Variants in CTNND2 observed in about 807,000 individuals in gnomAD.
The protein encoded by CTNND2 is catenin delta-2.
CTNND2 carries 22 observed loss-of-function variants against 144.4 expected under a neutral mutation model. The observed-to-expected ratio is 0.15, with a 90% CI of 0.11 to 0.22. The LOEUF is 0.22. CTNND2 is among the 10% of genes least tolerant of loss of function. The pLI, the probability that CTNND2 is intolerant of heterozygous loss-of-function variation, is 1.00. For missense variants in CTNND2, 1,353 were observed against 1,618.8 expected, an observed-to-expected ratio of 0.84 and a Z score of 2.82; for synonymous variants, 751 against 695.6, an observed-to-expected ratio of 1.08 and a Z score of -1.25.
chr5:11,293,132 C>T (rs173829), intron 9 of CTNND2, among the ~76,000 whole-genome samples: 24,632 of 152,140 alleles, frequency 0.16, 2,267 homozygotes, highest in African/African-American at 0.24. Context: ...AGAAGTTAAG[C>T]ACCTAGTTCA....
intron 12 of CTNND2, among the ~76,000 whole-genome samples, chr5:11,124,324 C>T (rs1561342685): frequency 6.6e-6 from 1 of 152,112 alleles, no homozygotes; most frequent in Non-Finnish European, 1.5e-5. Context: ...GAGTTTGATG[C>T]CTATAATTAG....
chr5:11,264,574 G>A (rs766020718), intron 9 of CTNND2, among the ~76,000 whole-genome samples: 18 of 152,172 alleles, frequency 1.2e-4, no homozygotes, highest in Non-Finnish European at 2.2e-4. Context: ...TCCAGAAGCC[G>A]CCGTTGTAAT....
At chr5:11,146,372 G>T (rs1458903408) in intron 12 of CTNND2, among the ~76,000 whole-genome samples, 1 of 152,184 alleles carries the variant, frequency 6.6e-6, no homozygotes, top group East Asian at 1.9e-4. Context: ...CTGACCACAA[G>T]GCAGCAGCAT....
At chr5:11,147,693 C>T (rs547909597) in intron 12 of CTNND2, among the ~76,000 whole-genome samples, 27 of 145,770 alleles carry the variant, frequency 1.9e-4, no homozygotes, top group South Asian at 2.2e-4. Context: ...CAGAATGAGG[C>T]GACAACATGA....
At chr5:11,271,132 T>A (rs1003253707) in intron 9 of CTNND2, among the ~76,000 whole-genome samples, 12 of 152,210 alleles carry the variant, frequency 7.9e-5, no homozygotes, top group African/African-American at 2.9e-4. Flanking sequence ...CAAGTTATCC[T>A]CGCAAAGGTA....
chr5:11,192,114 T>A (rs1736326357), intron 11 of CTNND2, among the ~76,000 whole-genome samples: 2 of 152,214 alleles, frequency 1.3e-5, no homozygotes, highest in South Asian at 4.1e-4. Flanking sequence ...GCTGCCAGTA[T>A]CTAAATGTTG....
intron 1 of CTNND2, among the ~76,000 whole-genome samples, chr5:11,823,770 G>A (rs1793449439): frequency 6.6e-6 from 1 of 152,046 alleles, no homozygotes; most frequent in African/African-American, 2.4e-5. Context: ...GAGGAAATAT[G>A]AATTTTATCC....
At chr5:11,741,610 C>T (rs1788012497) in intron 1 of CTNND2, among the ~76,000 whole-genome samples, 1 of 151,836 alleles carries the variant, frequency 6.6e-6, no homozygotes, top group African/African-American at 2.4e-5. Context: ...AGGAGAAATA[C>T]CTAATGTAAA....
intron 3 of CTNND2, among the ~76,000 whole-genome samples, chr5:11,500,130 A>G (rs1408405238): frequency 6.6e-6 from 1 of 152,126 alleles, no homozygotes; most frequent in Non-Finnish European, 1.5e-5. Context: ...TGTTTCACTA[A>G]TTCTCTGATA....
At chr5:11,523,238 G>A (rs1309805234) in intron 3 of CTNND2, among the ~76,000 whole-genome samples, 9 of 152,088 alleles carry the variant, frequency 5.9e-5, no homozygotes, top group South Asian at 2.1e-4. Flanking sequence ...GTGGTAATAC[G>A]TGGAAGCACA....
At chr5:11,900,691 A>G (rs1322915422) in intron 1 of CTNND2, among the ~76,000 whole-genome samples, 1 of 152,246 alleles carries the variant, frequency 6.6e-6, no homozygotes, top group African/African-American at 2.4e-5. Flanking sequence ...GAACACCTTC[A>G]GAAGATGAAT....
At chr5:11,533,738 A>G (rs545120375) in intron 3 of CTNND2, among the ~76,000 whole-genome samples, 1 of 152,184 alleles carries the variant, frequency 6.6e-6, no homozygotes, top group African/African-American at 2.4e-5. Context: ...TCAAAACCTG[A>G]TGTGTATTTA....
At chr5:11,613,505 G>C (rs947952783) in intron 2 of CTNND2, among the ~76,000 whole-genome samples, 5 of 152,180 alleles carry the variant, frequency 3.3e-5, no homozygotes, top group African/African-American at 4.8e-5. Context: ...TAAGGAACTA[G>C]CCAAAGCTGC....
Position 11,117,482 on chromosome 5 carries a change from A to T in CTNND2, c.2245T>A (p.Ser749Thr), listed in dbSNP as rs1313341148. Residue 749 changes from serine (S) to threonine (T), a missense_variant, in exon 13 of 22, where the codon TCT becomes ACT. By Grantham distance (58) the Ser-to-Thr change is moderately conservative (BLOSUM62 1). Transcript: ENST00000304623. The part of the protein sequence containing the change: ...LTDALLYVIQ[S>T]ALGSSEIDSK... ...TCGATCTCACTGCTCCCCAGCGCAG[A>T]CTGGATCACGTACAGCAAGGCATCC... The T allele has an allele frequency of 5.6e-6, 9 of 1,614,046 alleles. No homozygotes were observed. Among genetic ancestry groups the T allele is most frequent in the Non-Finnish European group, 7.6e-6 (9 of 1,180,028 alleles).
chr5:11,903,337 G>A lies in CTNND2; in HGVS notation c.37+480C>T. 1.0e-6 allele frequency: 1 copy of A among 986,966 alleles called. No homozygotes were observed. The highest frequency in any genetic ancestry group is 1.2e-6 in the Non-Finnish European group (1 of 831,068). The allele number at this position is 986,966 out of a possible 1,614,324, so 61.1% of individuals were successfully genotyped here. A position where few individuals can be genotyped will look rare whatever the true frequency, so the allele number is the denominator to read the frequency against. On this transcript the variant is annotated intron_variant, in intron 1 of 21. Coordinates refer to ENST00000304623, the MANE Select transcript of CTNND2 (RefSeq NM_001332.4). The surrounding 1 kb of genome is among the most constrained non-coding windows in gnomAD (Gnocchi z 5.4). ...GCGGGAGCCTGAAGACACGGCCATGGACGCATATGACTAAGTCTTTCCATT... is the reference window on the plus strand; with the variant it reads ...GCGGGAGCCTGAAGACACGGCCATGAACGCATATGACTAAGTCTTTCCATT...
At chr5:11,763,105 A>ACT (rs911429659) in intron 1 of CTNND2, among the ~76,000 whole-genome samples, 12 of 149,204 alleles carry the variant, frequency 8.0e-5, no homozygotes, top group Admixed American at 4.7e-4. Flanking sequence ...TTCCTCCTTC[A>ACT]CTCTCTCTCT....
At chr5:11,233,334 C>T (rs888684531) in intron 10 of CTNND2, among the ~76,000 whole-genome samples, 5 of 152,030 alleles carry the variant, frequency 3.3e-5, no homozygotes, top group African/African-American at 9.7e-5. Context: ...ATATGAAAAC[C>T]GTACAAATCA....
At chr5:11,294,891 A>C (rs1748741056) in intron 9 of CTNND2, among the ~76,000 whole-genome samples, 1 of 152,200 alleles carries the variant, frequency 6.6e-6, no homozygotes, top group African/African-American at 2.4e-5. Flanking sequence ...AATGGGCAAA[A>C]ACTGGAAGCA....
intron 3 of CTNND2, among the ~76,000 whole-genome samples, chr5:11,413,887 T>C (rs182942789): frequency 2.2e-3 from 333 of 152,318 alleles, no homozygotes; most frequent in African/African-American, 7.2e-3. Flanking sequence ...CACTTCCATA[T>C]TGATAGTGGG....
Sources: allele counts gnomAD v4.1 joint callset (sites outside exome capture counted in the v4.1 genomes callset), GRCh38; gene constraint gnomAD v4.1.1; non-coding constraint Gnocchi (gnomAD v3.1); transcripts MANE v1.5; gene names NCBI Gene and HGNC (gene_info 2026-07-23, HGNC 2026-07-21).